Variants in ACTN2 observed in about 807,000 individuals in gnomAD.
ACTN2 encodes the protein alpha-actinin-2.
ACTN2 carries 39 observed loss-of-function variants against 113.8 expected under a neutral mutation model. That is an observed-to-expected ratio of 0.34 (90% CI 0.27 to 0.45). The LOEUF is 0.45. ACTN2 is among the 20% of genes least tolerant of loss of function. The pLI is 1.00. For missense variants in ACTN2, 992 were observed against 1,177.9 expected, an observed-to-expected ratio of 0.84 and a Z score of 2.31; for synonymous variants, 429 against 444.1, an observed-to-expected ratio of 0.97 and a Z score of 0.43.
rs1383686120 is a variant in ACTN2, at chr1:236,747,585, T to G, written c.1407-82T>G. 8 of 1,236,840 alleles carry G rather than the reference T, an allele frequency of 6.5e-6. No homozygotes were observed. In the East Asian group the frequency reaches 1.8e-4, roughly 27 times the overall value. 76.6% of individuals were successfully genotyped at this position (1,236,840 alleles called of 1,614,324 possible). A position where few individuals can be genotyped will look rare whatever the true frequency, so the allele number is the denominator to read the frequency against. ...AGATGTTTTTGTTTTTAAACTTCCC[T>G]GTTATTTTTCTTTTTTAGCCCATGT... On this transcript the variant is annotated intron_variant, in intron 12 of 20. Transcript: ENST00000366578.
At chr1:236,693,172 C>A (rs1285383209) in intron 1 of ACTN2, among the ~76,000 whole-genome samples, 2 of 71,580 alleles carry the variant, frequency 2.8e-5, no homozygotes, top group African/African-American at 9.1e-5. Flanking sequence ...AACATCTGCA[C>A]ACATGCACAC....
intron 15 of ACTN2, among the ~76,000 whole-genome samples, chr1:236,752,027 T>C (rs1572143919): frequency 6.6e-6 from 1 of 152,196 alleles, no homozygotes; most frequent in African/African-American, 2.4e-5. Context: ...GAATATGATA[T>C]AGACATGTCC....
At chr1:236,712,120 A>G (rs895180604) in intron 1 of ACTN2, among the ~76,000 whole-genome samples, 57 of 152,246 alleles carry the variant, frequency 3.7e-4, no homozygotes, top group Admixed American at 5.9e-4. Context: ...ACAAACAACA[A>G]GAAAGTTCAC....
intron 1 of ACTN2, among the ~76,000 whole-genome samples, chr1:236,705,952 A>G (rs549389519): frequency 6.6e-6 from 1 of 152,308 alleles, no homozygotes; most frequent in East Asian, 1.9e-4. Context: ...GAAATTTGTG[A>G]TGCAGAATTT....
intron 8 of ACTN2, chr1:236,736,906 C>T (rs1253702572): frequency 1.6e-6 from 1 of 614,478 alleles, no homozygotes; most frequent in African/African-American, 1.8e-5. Context: ...TCTAATCAGC[C>T]TGCCGTGTAA....
Position 236,749,217 on chromosome 1 carries a change from G to A in ACTN2, c.1609G>A (p.Glu537Lys), listed in dbSNP as rs1401807611. ...PFNNWMEGAM[E>K]DLQDMFIVHS... is the part of the protein sequence containing the mutation. ...CAACAATTGGATGGAGGGCGCTATG[G>A]AGGATCTGCAAGATATGTTCATTGT... is the stretch of plus-strand genomic sequence containing the variant. Residue 537 changes from glutamate to lysine, a missense_variant, in exon 14 of 21, where the codon GAG becomes AAG. Glu to Lys is a moderately conservative substitution (Grantham distance 56). Around this residue, in one of 3 missense-constraint regions of ACTN2, gnomAD observed 736 missense variants for 815.4 expected, o/e 0.90. Coordinates refer to ENST00000366578, the MANE Select transcript of ACTN2 (RefSeq NM_001103.4). The A allele has an allele frequency of 5.6e-6, 9 of 1,614,172 alleles. No individual in the cohort carries two copies. Among genetic ancestry groups the A allele is most frequent in the Non-Finnish European group, 7.6e-6 (9 of 1,180,028 alleles).
At chr1:236,736,505 T>G in intron 8 of ACTN2, 1 of 1,222,936 alleles carries the variant, frequency 8.2e-7, no homozygotes. Context: ...CCAAGTTCCT[T>G]TCCACGAAAG....
rs1659121549 is a variant in ACTN2 at position 236,743,047 on chromosome 1, A to C, written c.1255+4A>C. The C allele has an allele frequency of 1.2e-6, 2 of 1,614,164 alleles. No individual in the cohort carries two copies. Among genetic ancestry groups the C allele is most frequent in the Non-Finnish European group, 1.7e-6 (2 of 1,180,020 alleles). ...ACGCACGAGACTTGGGCTTATGGTAAGTAGACAGGAGTCAGATTGGATTTT... is the reference window on the plus strand; with the variant it reads ...ACGCACGAGACTTGGGCTTATGGTACGTAGACAGGAGTCAGATTGGATTTT... On this transcript the variant is annotated splice_donor_region_variant and intron_variant, in intron 11 of 20. Coordinates refer to ENST00000366578, the MANE Select transcript of ACTN2 (RefSeq NM_001103.4).
At chr1:236,722,358 C>T (rs1321176113) in intron 4 of ACTN2, among the ~76,000 whole-genome samples, 3 of 151,860 alleles carry the variant, frequency 2.0e-5, no homozygotes, top group Non-Finnish European at 2.9e-5. Context: ...GAGATTAGGC[C>T]GGGCGCGGTG....
intron 12 of ACTN2, among the ~76,000 whole-genome samples, chr1:236,747,089 C>T (rs1375211104): frequency 2.0e-5 from 3 of 152,194 alleles, no homozygotes; most frequent in Non-Finnish European, 2.9e-5. Context: ...TGTCTTCCGA[C>T]CTTCACTCAT....
intron 1 of ACTN2, among the ~76,000 whole-genome samples, chr1:236,695,312 C>T (rs1330925915): frequency 1.4e-5 from 2 of 144,922 alleles, no homozygotes; most frequent in Non-Finnish European, 3.0e-5. Flanking sequence ...TGGGAGGCGG[C>T]GGCTGCTGTG....
chr1:236,693,115 C>G (rs904717128), intron 1 of ACTN2, among the ~76,000 whole-genome samples: 1 of 151,432 alleles, frequency 6.6e-6, no homozygotes, highest in Non-Finnish European at 1.5e-5. Context: ...ACCTTAAGTG[C>G]AAGAATTTGG....
At chr1:236,711,854 G>A (rs911563203) in intron 1 of ACTN2, among the ~76,000 whole-genome samples, 5 of 152,312 alleles carry the variant, frequency 3.3e-5, no homozygotes, top group African/African-American at 1.2e-4. Context: ...TTGAAAACAA[G>A]AGAGGAGGTT....
chr1:236,727,546 A>C lies in ACTN2; in HGVS notation c.537-132A>C. The C allele has an allele frequency of 5.8e-6, 5 of 861,904 alleles. 2 individuals are homozygous for C. The South Asian group carries it at 7.0e-5, about 12-fold the overall frequency. The allele number at this position is 861,904 out of a possible 1,614,324, so 53.4% of individuals were successfully genotyped here. On this transcript the variant is annotated intron_variant, in intron 5 of 20. Transcript: ENST00000366578. Reference sequence around the variant, plus strand: ...TGTTCAAGCTCACCGGGCGGGGTAAAGAGGAAGCTACATGGGGCCCTCCGT... The same window carrying C: ...TGTTCAAGCTCACCGGGCGGGGTAACGAGGAAGCTACATGGGGCCCTCCGT...
chr1:236,741,986 C>T (rs11800168), intron 10 of ACTN2, among the ~76,000 whole-genome samples: 1,578 of 152,290 alleles, frequency 0.01, 11 homozygotes, highest in Middle Eastern at 0.038. Context: ...CCTTCCCGCA[C>T]GCACAGCACA....
intron 8 of ACTN2, among the ~76,000 whole-genome samples, chr1:236,736,077 G>C (rs768483537): frequency 1.2e-4 from 18 of 152,160 alleles, no homozygotes; most frequent in African/African-American, 4.3e-4. Context: ...TTTCCAACCC[G>C]GCCTTGTTCT....
chr1:236,717,843 T>C lies in ACTN2; in HGVS notation c.127-15T>C. On this transcript the variant is annotated splice_polypyrimidine_tract_variant and intron_variant, in intron 1 of 20. Coordinates refer to ENST00000366578, the MANE Select transcript of ACTN2 (RefSeq NM_001103.4). ...CGATGGACCTGTGCTAAACCGTGTT[T>C]GGTTTTCTTTGCAGACCTTCACTGC... 1.3e-6 allele frequency: 2 copies of C among 1,580,096 alleles called. No individual in the cohort carries two copies. The highest frequency in any genetic ancestry group is 1.7e-6 in the Non-Finnish European group (2 of 1,149,066).
intron 9 of ACTN2, among the ~76,000 whole-genome samples, chr1:236,738,020 T>C (rs888952519): frequency 2.0e-5 from 3 of 152,206 alleles, no homozygotes; most frequent in African/African-American, 7.2e-5. Flanking sequence ...TGTTTTGTTT[T>C]GTTTTCTATG....
At chr1:236,710,169 A>G (rs987926537) in intron 1 of ACTN2, among the ~76,000 whole-genome samples, 1 of 152,250 alleles carries the variant, frequency 6.6e-6, no homozygotes, top group African/African-American at 2.4e-5. Flanking sequence ...AATTGTGCAC[A>G]TGCGTAGTCA....
Sources: allele counts gnomAD v4.1 joint callset (sites outside exome capture counted in the v4.1 genomes callset), GRCh38; gene constraint gnomAD v4.1.1; regional missense constraint gnomAD v4.1.1; transcripts MANE v1.5; gene names NCBI Gene and HGNC (gene_info 2026-07-23, HGNC 2026-07-21).